The following SPAG17 variants were observed in gnomAD, a reference collection of about 807,000 sequenced individuals.
SPAG17 encodes sperm-associated antigen 17.
In SPAG17, 169 loss-of-function variants were observed where a neutral mutation model predicts 273.6. The ratio of observed to expected loss-of-function variants is 0.62; its 90% CI spans 0.55 to 0.70. The LOEUF (loss-of-function observed/expected upper bound fraction) is 0.70, where lower values mean the gene tolerates loss of function less well. Ranked by LOEUF, SPAG17 falls within the 30% of genes least tolerant of loss-of-function variation. The pLI is 0.00. For synonymous variants in SPAG17, 825 were observed against 873.2 expected, an observed-to-expected ratio of 0.94 and a Z score of 0.97; for missense variants, 2,557 against 2,627.8, an observed-to-expected ratio of 0.97 and a Z score of 0.59.
chr1:118,150,694 T>A, intron 2 of SPAG17, 65 bp from the exon 3 acceptor site: 2 of 922,406 alleles, frequency 2.2e-6, no homozygotes, highest in Non-Finnish European at 3.3e-6. Flanking sequence ...TAGATATATG[T>A]AACTTTCAAA....
intron 13 of SPAG17, among the ~76,000 whole-genome samples, chr1:118,083,763 G>A (rs542966581): frequency 3.9e-5 from 6 of 152,168 alleles, no homozygotes; most frequent in Non-Finnish European, 5.9e-5. Context: ...CCAGCCTGGC[G>A]ACAGAGTGAG....
At chr1:118,069,935 A>G (rs1428791886) in intron 17 of SPAG17, among the ~76,000 whole-genome samples, 3 of 152,200 alleles carry the variant, frequency 2.0e-5, no homozygotes. Context: ...ATAAGTGTCC[A>G]TTAGATTTGG....
intron 43 of SPAG17, among the ~76,000 whole-genome samples, chr1:117,976,184 G>A (rs1203626832): frequency 6.6e-6 from 1 of 152,152 alleles, no homozygotes; most frequent in Non-Finnish European, 1.5e-5. Context: ...ATTCCACTGA[G>A]CCTACCCTCC....
At chr1:118,010,619 C>T (rs1659371476) in intron 30 of SPAG17, among the ~76,000 whole-genome samples, 1 of 152,114 alleles carries the variant, frequency 6.6e-6, no homozygotes, top group African/African-American at 2.4e-5. Flanking sequence ...CCCTGAAAGA[C>T]AACCTAGGCA....
intron 17 of SPAG17, among the ~76,000 whole-genome samples, chr1:118,069,081 C>T (rs1653291158): frequency 6.6e-6 from 1 of 152,066 alleles, no homozygotes; most frequent in Admixed American, 6.5e-5. Flanking sequence ...TGTGGTGGCT[C>T]ACGCCTGTAA....
intron 48 of SPAG17, chr1:117,959,544 T>C (rs1231499117): frequency 7.8e-7 from 1 of 1,288,286 alleles, no homozygotes; most frequent in Non-Finnish European, 1.0e-6. Context: ...AAATACCAAA[T>C]AACAGAAGAT....
chr1:117,983,679 G>T (rs1176032823), intron 42 of SPAG17, 132 bp downstream of exon 42: 9 of 455,506 alleles, frequency 2.0e-5, no homozygotes, highest in Non-Finnish European at 3.1e-5. Context: ...ATATAACTCA[G>T]CCAGATCTGT....
rs561564008 is a variant in SPAG17, at chr1:117,977,622, T to G, written c.6004+3648A>C. 2.0e-5 allele frequency among the ~76,000 whole-genome samples: 3 copies of G among 152,352 alleles called. No individual in the cohort carries two copies. The South Asian group carries it at 6.2e-4, about 32-fold the overall frequency. ...GCTTTGTGTTAATTCCTTCCTACTC[T>G]GAATTTCTTTAAACTTTTTATATCA... is the stretch of plus-strand genomic sequence containing the variant. On this transcript the variant is annotated intron_variant, in intron 43 of 48. Coordinates refer to ENST00000336338, the MANE Select transcript of SPAG17 (RefSeq NM_206996.4).
intron 48 of SPAG17, chr1:117,959,340 T>C: frequency 6.2e-7 from 1 of 1,613,838 alleles, no homozygotes; most frequent in Non-Finnish European, 8.5e-7. Context: ...CAAGAGGGAA[T>C]GCGAGGCAAA....
chr1:118,025,088 T>A (rs1647579644), intron 27 of SPAG17, 150 bp downstream of exon 27: 1 of 634,354 alleles, frequency 1.6e-6, no homozygotes, highest in Non-Finnish European at 2.6e-6. Context: ...TTTTTAATTC[T>A]AACTATATTA....
At chr1:118,103,134 A>T (rs954322317) in intron 4 of SPAG17, among the ~76,000 whole-genome samples, 2 of 152,168 alleles carry the variant, frequency 1.3e-5, no homozygotes, top group Admixed American at 6.6e-5. Context: ...TGGTAAAATT[A>T]ACTCCTTTGA....
intron 19 of SPAG17, 44 bp downstream of exon 19, chr1:118,055,689 G>T: frequency 7.0e-7 from 1 of 1,426,514 alleles, no homozygotes. Context: ...AGAGAAGAAC[G>T]TTCTTGAATT....
In SPAG17 at chr1:118,185,068, C is replaced by T. The variant is rs1364975376; in HGVS notation, c.87+3G>A. 6 of 1,613,832 alleles carry T rather than the reference C, an allele frequency of 3.7e-6. No homozygotes were observed. The East Asian group carries it at 1.3e-4, about 36-fold the overall frequency. ...GGGAGGGCTTAAAGGGCTCAAGGCT[C>T]ACCTGATTGAACTGTGCAGCTATGA... On this transcript the variant is annotated splice_donor_region_variant and intron_variant, in intron 1 of 48. Transcript: ENST00000336338.
chr1:118,074,663 T>A, intron 15 of SPAG17, 63 bp from the exon 16 acceptor site: 1 of 1,449,050 alleles, frequency 6.9e-7, no homozygotes, highest in Non-Finnish European at 9.7e-7. Context: ...TGCTGGTTAA[T>A]GCTGTGCTTT....
intron 1 of SPAG17, among the ~76,000 whole-genome samples, chr1:118,158,507 G>C (rs541890609): frequency 6.6e-6 from 1 of 152,304 alleles, no homozygotes; most frequent in East Asian, 1.9e-4. Context: ...ATATTAATCT[G>C]ATCAATTTTG....
intron 17 of SPAG17, among the ~76,000 whole-genome samples, chr1:118,071,492 A>T (rs1653580488): frequency 6.6e-6 from 1 of 152,120 alleles, no homozygotes. Flanking sequence ...TCTACTATAA[A>T]TACAAACATC....
intron 41 of SPAG17, 58 bp from the exon 42 acceptor site, chr1:117,983,971 A>C: frequency 1.4e-6 from 1 of 717,272 alleles, no homozygotes; most frequent in Non-Finnish European, 2.3e-6. Flanking sequence ...CAACTGTCGC[A>C]AATATGTTAA....
intron 48 of SPAG17, among the ~76,000 whole-genome samples, chr1:117,958,298 G>A (rs576609920): frequency 5.3e-5 from 8 of 152,192 alleles, no homozygotes; most frequent in African/African-American, 1.4e-4. Flanking sequence ...TCATAATTTG[G>A]GGCAACTTGT....
chr1:118,095,480 G>A (rs1427047824), intron 7 of SPAG17, among the ~76,000 whole-genome samples: 2 of 152,182 alleles, frequency 1.3e-5, no homozygotes, highest in East Asian at 3.9e-4. Flanking sequence ...GGGATCTCCT[G>A]TGTCTTGTTG....
Sources: gnomAD v4.1 joint callset for allele counts (sites outside exome capture counted in the v4.1 genomes callset) on GRCh38, gnomAD v4.1.1 for gene constraint, MANE v1.5 for transcripts, NCBI Gene and HGNC (gene_info 2026-07-23, HGNC 2026-07-21) for gene names.